Variants in PNPLA8 observed in about 807,000 individuals in gnomAD.
PNPLA8 encodes patatin like domain 8, phospholipase A2, also known as calcium-independent phospholipase A2-gamma.
In PNPLA8, 39 loss-of-function variants were observed where a neutral mutation model predicts 76.9. That is an observed-to-expected ratio of 0.51 (90% CI 0.39 to 0.66). The LOEUF (loss-of-function observed/expected upper bound fraction) is 0.66, where lower values mean the gene tolerates loss of function less well. Ranked by LOEUF, PNPLA8 falls within the 30% of genes least tolerant of loss-of-function variation. PNPLA8 has a pLI of 0.00. For missense variants in PNPLA8, 887 were observed against 918.0 expected (o/e 0.97, Z 0.44); for synonymous variants, 301 against 307.9 (o/e 0.98, Z 0.24).
At chr7:108,516,014 C>A (rs1387015372) in intron 2 of PNPLA8, among the ~76,000 whole-genome samples, 1 of 152,120 alleles carries the variant, frequency 6.6e-6, no homozygotes, top group African/African-American at 2.4e-5. Context: ...TTAATCTATA[C>A]CAGACATGGT....
chr7:108,487,704 C>T (rs1860840657), intron 9 of PNPLA8, 55 bp downstream of exon 9: 2 of 1,112,122 alleles, frequency 1.8e-6, no homozygotes, highest in Non-Finnish European at 2.6e-6. Context: ...TTAATAAGTG[C>T]TGATTCTTTT....
chr7:108,506,676 AAT>A (rs1189484480), intron 4 of PNPLA8, among the ~76,000 whole-genome samples: 1 of 152,126 alleles, frequency 6.6e-6, no homozygotes, highest in East Asian at 1.9e-4. Context: ...TATACCCAAC[AAT>A]ATAGAAGGTT....
In PNPLA8 at chr7:108,510,764, C is replaced by T; in HGVS notation, c.1206+3380G>A. On this transcript the variant is annotated intron_variant, in intron 4 of 10. Transcript: ENST00000257694. ...AGATAACGCTTTGATTGCTCGATCT[C>T]TTGGTAAATATGGCATCATCTGCAT... The T allele has an allele frequency of 5.0e-6, 8 of 1,601,864 alleles. No individual in the cohort carries two copies. The South Asian group carries it at 7.7e-5, about 15-fold the overall frequency.
Position 108,526,112 on chromosome 7 carries a change from A to G in PNPLA8, c.-213T>C, listed in dbSNP as rs147088221. The G allele has an allele frequency of 3.9e-4, 389 of 985,476 alleles. 3 individuals are homozygous for G. In the African/African-American group the frequency reaches 5.7e-3, roughly 14 times the overall value. 61.0% of individuals were successfully genotyped at this position (985,476 alleles called of 1,614,324 possible). A position where few individuals can be genotyped will look rare whatever the true frequency, so the allele number is the denominator to read the frequency against. ...ACGTCCACTCCAACCGGCCTGCATCAGCTGAGCTTCCAACACAAACACTGG... is the reference window on the plus strand; with the variant it reads ...ACGTCCACTCCAACCGGCCTGCATCGGCTGAGCTTCCAACACAAACACTGG... On this transcript the variant is annotated 5_prime_UTR_variant, in exon 1 of 11. Transcript: ENST00000257694.
Position 108,499,336 on chromosome 7 carries a change from C to T in PNPLA8, c.1359-1759G>A, listed in dbSNP as rs138671815. 2.3e-3 allele frequency among the ~76,000 whole-genome samples: 351 copies of T among 152,118 alleles called. 1 individual carries two copies. Among genetic ancestry groups the T allele is most frequent in the Non-Finnish European group, 2.0e-3 (133 of 67,978 alleles). ...TTAAAAATGTTGTACTCATAAATTC[C>T]GAATGAATTTAAATACGTATATATC... is the stretch of plus-strand genomic sequence containing the variant. On this transcript the variant is annotated intron_variant, in intron 5 of 10. Transcript: ENST00000257694.
At chr7:108,513,309 C>A (rs1863070362) in intron 4 of PNPLA8, among the ~76,000 whole-genome samples, 1 of 151,802 alleles carries the variant, frequency 6.6e-6, no homozygotes, top group Non-Finnish European at 1.5e-5. Flanking sequence ...AATTATAGGA[C>A]CATAAAATAG....
chr7:108,517,587 T>G (rs1012391276), intron 2 of PNPLA8, among the ~76,000 whole-genome samples: 20 of 152,188 alleles, frequency 1.3e-4, no homozygotes, highest in African/African-American at 4.8e-4. Context: ...TGGAAAATTG[T>G]TCAGTGCTAC....
In PNPLA8 at chr7:108,470,443, T is replaced by G. The variant is rs538992179; in HGVS notation, c.*1958A>C. On this transcript the variant is annotated 3_prime_UTR_variant, in exon 11 of 11. Transcript: ENST00000257694. ...AGAGTTCACTTGTGTAATGTATTAT[T>G]TAAGAAAGAAATAAGCCAAGCACAA... is the stretch of plus-strand genomic sequence containing the variant. The G allele has an allele frequency of 2.5e-3, 384 of 150,994 alleles. 1 individual carries two copies. Among genetic ancestry groups the G allele is most frequent in the Non-Finnish European group, 3.9e-3 (262 of 67,720 alleles). The allele number at this position is 150,994 out of a possible 1,614,324, so 9.4% of individuals were successfully genotyped here. A position where few individuals can be genotyped will look rare whatever the true frequency, so the allele number is the denominator to read the frequency against.
intron 10 of PNPLA8, among the ~76,000 whole-genome samples, chr7:108,477,026 CAGTTATGACTACCTACT>C: frequency 6.6e-6 from 1 of 152,168 alleles, no homozygotes; most frequent in Non-Finnish European, 1.5e-5. Context: ...TACAAATTTT[CAGTTATGACTACCTACT>C]AGAGATCTGA....
Position 108,496,674 on chromosome 7 carries a change from T to C in PNPLA8, c.1535A>G (p.Asp512Gly). ...AACAATGACATTTTGTGAAAATACA[T>C]CTGATCCTAATTTTCGATAAAGTTC... The part of the protein sequence containing the change: ...CEELYRKLGS[D>G]VFSQNVIVGT... Residue 512 changes from aspartate to glycine, a missense_variant, in exon 7 of 11, where the codon GAT (aspartate) becomes GGT (glycine). Physicochemically the swap from Asp to Gly is moderately conservative, Grantham distance 94. Coordinates refer to ENST00000257694, the MANE Select transcript of PNPLA8 (RefSeq NM_001256007.3). The C allele has an allele frequency of 6.2e-7, 1 of 1,612,178 alleles. No homozygotes were observed. Among genetic ancestry groups the C allele is most frequent in the Non-Finnish European group, 8.5e-7 (1 of 1,178,738 alleles).
At position 108,472,476 on chromosome 7, in the gene PNPLA8, AGTT is replaced by A. The variant is rs761382844; in HGVS notation, c.2271_2273del (p.Thr758del). On this transcript the variant is annotated inframe_deletion, in exon 11 of 11. Coordinates refer to ENST00000257694, the MANE Select transcript of PNPLA8 (RefSeq NM_001256007.3). ...TTATCCAATCATTAATTTTCTGCAG[AGTT>A]GTTTTTTCTTGACTTAATATTTTTG... is the stretch of plus-strand genomic sequence containing the variant. 11 of 1,601,848 alleles carry A rather than the reference AGTT, an allele frequency of 6.9e-6. No homozygotes were observed. The highest frequency in any genetic ancestry group is 4.5e-5 in the East Asian group (2 of 44,768).
intron 2 of PNPLA8, among the ~76,000 whole-genome samples, chr7:108,520,129 T>C (rs1286397647): frequency 4.6e-5 from 7 of 152,172 alleles, no homozygotes; most frequent in African/African-American, 1.2e-4. Flanking sequence ...CATTAATAAA[T>C]TTGTATGCCA....
rs2154516665 is a variant in PNPLA8 at position 108,514,157 on chromosome 7, C to T, written c.1193G>A (p.Gly398Glu). The change falls in exon 4 of 11, where the codon GGA becomes GAA. Residue 398 changes from glycine to glutamate, a missense_variant. Physicochemically the swap from Gly to Glu is moderately conservative, Grantham distance 98. Transcript: ENST00000257694. ...ATTAGAAATTACCTTGACAGCCACTCCTTTTCCTTCAGGAAATTCTAGAAG... is the reference window on the plus strand; with the variant it reads ...ATTAGAAATTACCTTGACAGCCACTTCTTTTCCTTCAGGAAATTCTAGAAG... The part of the protein sequence containing the change: ...FHLLEFPEGK[G>E]VAVKERIIPY... The T allele has an allele frequency of 1.2e-6, 2 of 1,603,440 alleles. No individual in the cohort carries two copies.
chr7:108,498,797 T>C (rs1203765330), intron 5 of PNPLA8, among the ~76,000 whole-genome samples: 2 of 152,156 alleles, frequency 1.3e-5, no homozygotes, highest in African/African-American at 4.8e-5. Context: ...TAAACTGTCA[T>C]GTGTGTATCA....
Position 108,479,239 on chromosome 7 carries a change from G to A in PNPLA8, c.2019C>T (p.Tyr673=), listed in dbSNP as rs779167282. Residue 673 remains tyrosine, a synonymous_variant, in exon 10 of 11, where the codon TAC becomes TAT. Transcript: ENST00000257694. ...YESDVRNTVT[Y]TSLKTKLSNV... ...TAGAAAGTTTAGTTTTCAAGCTTGT[G>A]TATGTTACCGTGTTTCTCACATCAC... The A allele has an allele frequency of 2.5e-6, 4 of 1,613,392 alleles. No individual in the cohort carries two copies. The highest frequency in any genetic ancestry group is 2.5e-6 in the Non-Finnish European group (3 of 1,179,336).
intron 5 of PNPLA8, among the ~76,000 whole-genome samples, chr7:108,499,999 CCTTTA>C (rs1861824929): frequency 6.6e-6 from 1 of 152,056 alleles, no homozygotes; most frequent in South Asian, 2.1e-4. Context: ...CCTCTCTATC[CCTTTA>C]CTTTGCTTTA....
At chr7:108,495,951 T>G (rs892417538) in intron 7 of PNPLA8, among the ~76,000 whole-genome samples, 1 of 152,244 alleles carries the variant, frequency 6.6e-6, no homozygotes, top group Non-Finnish European at 1.5e-5. Flanking sequence ...AGTCTACAGC[T>G]CTGAATAACA....
chr7:108,489,021 G>C (rs760915547), intron 8 of PNPLA8, among the ~76,000 whole-genome samples: 2 of 152,210 alleles, frequency 1.3e-5, no homozygotes, highest in Non-Finnish European at 2.9e-5. Flanking sequence ...CTAAAATCCA[G>C]AGTCTTTCTA....
At chr7:108,518,342 T>C (rs553016511) in intron 2 of PNPLA8, 1 of 152,086 alleles carries the variant, frequency 6.6e-6, no homozygotes, top group East Asian at 1.9e-4. Context: ...CCAAAAGCAG[T>C]GTGTAGAAGG....
Sources: gnomAD v4.1 joint callset for allele counts (sites outside exome capture counted in the v4.1 genomes callset) on GRCh38, gnomAD v4.1.1 for gene constraint, MANE v1.5 for transcripts, NCBI Gene and HGNC (gene_info 2026-07-23, HGNC 2026-07-21) for gene names.